Variants in ADCY2 observed in about 807,000 individuals in gnomAD.
ADCY2 encodes adenylate cyclase 2, also known as adenylate cyclase type 2.
A neutral mutation model predicts 125.2 loss-of-function variants in ADCY2; 31 were observed. The ratio of observed to expected loss-of-function variants is 0.25; its 90% confidence interval spans 0.19 to 0.33. The LOEUF is 0.33. Among genes scored for constraint, ADCY2 ranks in the 10% least tolerant of loss-of-function variants. The probability of loss-of-function intolerance (pLI) is 1.00; values close to 1 mark genes in which losing one functional copy is unlikely to be tolerated. For missense variants in ADCY2, 904 were observed against 1,418.2 expected (o/e 0.64, Z 5.82); for synonymous variants, 512 against 548.4 (o/e 0.93, Z 0.93).
At chr5:7,397,590 T>C (rs1739109310) in intron 1 of ADCY2, among the ~76,000 whole-genome samples, 1 of 152,150 alleles carries the variant, frequency 6.6e-6, no homozygotes, top group Admixed American at 6.5e-5. Context: ...TGCTTATATT[T>C]CACCATGCAT....
In ADCY2 at chr5:7,784,368, A is replaced by G; in HGVS notation, c.2388A>G (p.Pro796=). ...GDYSQVLFER[P]GIWKDLKTMG... ...TTGTCTGTCTGTTTTTTAATAGACC[A>G]GGCATTTGGAAAGACCTGAAGACCA... The change falls in exon 19 of 25, where the codon CCA becomes CCG. Residue 796 remains proline (P), a synonymous_variant. Coordinates refer to ENST00000338316, the MANE Select transcript of ADCY2 (RefSeq NM_020546.3). 2 of 1,613,146 alleles carry G rather than the reference A, an allele frequency of 1.2e-6. No individual in the cohort carries two copies. Among genetic ancestry groups the G allele is most frequent in the East Asian group, 4.5e-5 (2 of 44,848 alleles).
At chr5:7,532,449 C>T (rs1316287795) in intron 3 of ADCY2, among the ~76,000 whole-genome samples, 1 of 152,156 alleles carries the variant, frequency 6.6e-6, no homozygotes, top group Non-Finnish European at 1.5e-5. Context: ...TTAAAACTTT[C>T]TTCTCTTTCC....
At chr5:7,652,516 C>T (rs16878916) in intron 4 of ADCY2, among the ~76,000 whole-genome samples, 1,707 of 152,256 alleles carry the variant, frequency 0.011, 35 homozygotes, top group African/African-American at 0.039. Context: ...TAGGGTATGA[C>T]GCATTTTGGA....
intron 20 of ADCY2, among the ~76,000 whole-genome samples, chr5:7,792,253 G>A (rs1402507860): frequency 6.6e-6 from 1 of 151,004 alleles, no homozygotes; most frequent in Admixed American, 6.6e-5. Flanking sequence ...AAATTAGCTG[G>A]GCATGGTGGC....
At chr5:7,403,467 G>T (rs1364447268) in intron 1 of ADCY2, among the ~76,000 whole-genome samples, 2 of 152,128 alleles carry the variant, frequency 1.3e-5, no homozygotes, top group Non-Finnish European at 2.9e-5. Context: ...GCATAAAATA[G>T]AATTACTCAT....
chr5:7,812,270 A>T (rs963526356), intron 22 of ADCY2, among the ~76,000 whole-genome samples: 3 of 152,214 alleles, frequency 2.0e-5, no homozygotes, highest in Non-Finnish European at 2.9e-5. Context: ...AGCTGTCATG[A>T]TGTGTCAGAA....
chr5:7,429,766 T>A (rs1382540330), intron 2 of ADCY2, among the ~76,000 whole-genome samples: 1 of 152,196 alleles, frequency 6.6e-6, no homozygotes, highest in African/African-American at 2.4e-5. Context: ...AAGGCAGTGC[T>A]TAGCAGGAAA....
chr5:7,682,517 C>T (rs1740374681), intron 4 of ADCY2, among the ~76,000 whole-genome samples: 2 of 152,160 alleles, frequency 1.3e-5, no homozygotes, highest in African/African-American at 2.4e-5. Context: ...ACAGCCTACT[C>T]CAAAAGAGAA....
intron 3 of ADCY2, among the ~76,000 whole-genome samples, chr5:7,621,686 G>A (rs1737958909): frequency 1.3e-5 from 2 of 152,174 alleles, no homozygotes; most frequent in Non-Finnish European, 2.9e-5. Flanking sequence ...GAAGGGCTAT[G>A]GTGGTCATTA....
chr5:7,763,881 C>A (rs1357678234), intron 16 of ADCY2, among the ~76,000 whole-genome samples: 1 of 152,170 alleles, frequency 6.6e-6, no homozygotes, highest in Non-Finnish European at 1.5e-5. Flanking sequence ...TTAGGAGTAA[C>A]ATGTGACGGC....
chr5:7,810,854 C>G (rs1744919145), intron 22 of ADCY2, among the ~76,000 whole-genome samples: 1 of 152,078 alleles, frequency 6.6e-6, no homozygotes, highest in African/African-American at 2.4e-5. Context: ...ATCTGAGGGG[C>G]TTTTCAGATG....
At chr5:7,525,242 G>C (rs1734417795) in intron 3 of ADCY2, among the ~76,000 whole-genome samples, 2 of 152,118 alleles carry the variant, frequency 1.3e-5, no homozygotes, top group African/African-American at 4.8e-5. Flanking sequence ...CCTGAGCTCA[G>C]GCAATCCGCC....
intron 16 of ADCY2, among the ~76,000 whole-genome samples, chr5:7,761,322 G>A (rs1361603197): frequency 1.3e-5 from 2 of 151,584 alleles, no homozygotes; most frequent in African/African-American, 4.8e-5. Context: ...CCTAATTTTT[G>A]TATTTTTAGT....
At chr5:7,455,579 C>T (rs543607668) in intron 2 of ADCY2, among the ~76,000 whole-genome samples, 4 of 148,794 alleles carry the variant, frequency 2.7e-5, no homozygotes, top group African/African-American at 9.8e-5. Flanking sequence ...AATATAATAA[C>T]ATAAAAATGT....
chr5:7,767,568 G>T (rs934792473), intron 17 of ADCY2, among the ~76,000 whole-genome samples: 3 of 152,134 alleles, frequency 2.0e-5, no homozygotes, highest in Admixed American at 2.0e-4. Flanking sequence ...TAATATGTAC[G>T]CTTTCAAAAT....
intron 3 of ADCY2, among the ~76,000 whole-genome samples, chr5:7,600,059 G>A (rs111263345): frequency 0.023 from 3,570 of 152,260 alleles, 143 homozygotes; most frequent in African/African-American, 0.082. Flanking sequence ...CCTGTGCTGG[G>A]TCCTGGGATG....
At chr5:7,449,160 A>G (rs1005142799) in intron 2 of ADCY2, among the ~76,000 whole-genome samples, 1 of 152,256 alleles carries the variant, frequency 6.6e-6, no homozygotes, top group Admixed American at 6.5e-5. Context: ...ACTTTCTGAT[A>G]ATCGCCATTC....
chr5:7,771,723 T>C (rs1043545434), intron 17 of ADCY2, among the ~76,000 whole-genome samples: 3 of 152,202 alleles, frequency 2.0e-5, no homozygotes, highest in African/African-American at 7.2e-5. Context: ...TTAATGTAGA[T>C]GGCTTTAGCT....
chr5:7,807,160 A>C (rs1016865698), intron 22 of ADCY2, among the ~76,000 whole-genome samples: 4 of 152,108 alleles, frequency 2.6e-5, no homozygotes, highest in Non-Finnish European at 4.4e-5. Context: ...AATCAGTGTC[A>C]CTCTACAGCC....
Sources: allele counts gnomAD v4.1 joint callset (sites outside exome capture counted in the v4.1 genomes callset), GRCh38; gene constraint gnomAD v4.1.1; transcripts MANE v1.5; gene names NCBI Gene and HGNC (gene_info 2026-07-23, HGNC 2026-07-21).